The following LARP4 variants were observed in gnomAD, a reference collection of about 807,000 sequenced individuals.
LARP4 encodes the protein La ribonucleoprotein 4, also known as la-related protein 4.
LARP4 carries 29 observed loss-of-function variants against 92.9 expected under a neutral mutation model. That is an observed-to-expected ratio of 0.31 (90% CI 0.23 to 0.43). The LOEUF (loss-of-function observed/expected upper bound fraction) is 0.43. Ranked by LOEUF, LARP4 falls within the 20% of genes least tolerant of loss-of-function variation. The pLI, the probability that LARP4 is intolerant of heterozygous loss-of-function variation, is 1.00. For synonymous variants in LARP4, 279 were observed against 284.1 expected (o/e 0.98, Z 0.18); for missense variants, 732 against 860.0 (o/e 0.85, Z 1.86).
At chr12:50,461,710 A>C (rs1185021254) in intron 11 of LARP4, among the ~76,000 whole-genome samples, 2 of 152,104 alleles carry the variant, frequency 1.3e-5, no homozygotes, top group East Asian at 3.9e-4. Flanking sequence ...TAATCCCAAC[A>C]CTTTGGGAGG....
In LARP4 at chr12:50,437,847, TTAA is replaced by T; in HGVS notation, c.639+14_639+16del. ...AAACAACACCAATAGAGGTAAATTA[TTAA>T]TAATTGTTAACACTAAATGTTCTCT... On this transcript the variant is annotated intron_variant, in intron 6 of 15. Transcript: ENST00000398473. 1 of 1,436,748 alleles carries T rather than the reference TTAA, an allele frequency of 7.0e-7. No individual in the cohort carries two copies. Among genetic ancestry groups the T allele is most frequent in the Non-Finnish European group, 9.8e-7 (1 of 1,025,020 alleles). 89.0% of individuals were successfully genotyped at this position (1,436,748 alleles called of 1,614,324 possible). A position where few individuals can be genotyped will look rare whatever the true frequency, so the allele number is the denominator to read the frequency against.
intron 8 of LARP4, among the ~76,000 whole-genome samples, chr12:50,443,747 G>C (rs994998166): frequency 6.6e-6 from 1 of 152,086 alleles, no homozygotes; most frequent in African/African-American, 2.4e-5. Context: ...GCGTAGCTGG[G>C]GTTACAGGTG....
Position 50,453,650 on chromosome 12 carries a change from C to T in LARP4, c.995C>T (p.Thr332Ile). The T allele has an allele frequency of 1.9e-6, 3 of 1,605,476 alleles. No homozygotes were observed. Among genetic ancestry groups the T allele is most frequent in the Non-Finnish European group, 2.6e-6 (3 of 1,173,514 alleles). ...CCTCAGTCTTGGTCTCCAAATCCTA[C>T]ACCTTACTTTGAAACACCACTGGTA... ...IVPQSWSPNPTPYFETPLAPF... is the reference protein window; with the variant it reads ...IVPQSWSPNPIPYFETPLAPF... Residue 332 changes from threonine (T) to isoleucine (I), a missense_variant, in exon 9 of 16, where the codon ACA becomes ATA. Physicochemically the swap from Thr to Ile is moderately conservative, Grantham distance 89 (BLOSUM62 -1). Coordinates refer to ENST00000398473, the MANE Select transcript of LARP4 (RefSeq NM_052879.5).
intron 8 of LARP4, among the ~76,000 whole-genome samples, chr12:50,447,983 C>T (rs1593209628): frequency 6.6e-6 from 1 of 152,250 alleles, no homozygotes; most frequent in East Asian, 1.9e-4. Context: ...TTCTCTGCCT[C>T]AGCCTCCCGA....
Position 50,427,909 on chromosome 12 carries a change from G to T in LARP4, c.166G>T (p.Gly56Cys). ...IAATSGAHPE[G>C]NAELSEDICK... ...AGCTACATCAGGTGCTCATCCTGAG[G>T]GTAAGTCTTAAATATTTGGTCATAA... is the stretch of plus-strand genomic sequence containing the variant. Residue 56 changes from glycine to cysteine, a missense_variant and splice_region_variant, in exon 2 of 16, where the codon GGT becomes TGT. This residue lies in a region of LARP4 where 236 missense variants were observed against 307.6 expected (regional missense o/e 0.77). Transcript: ENST00000398473. 6 of 1,582,994 alleles carry T rather than the reference G, an allele frequency of 3.8e-6. No individual in the cohort carries two copies. The highest frequency in any genetic ancestry group is 4.3e-6 in the Non-Finnish European group (5 of 1,160,574).
chr12:50,473,145 C>T (rs1175834593), intron 13 of LARP4, among the ~76,000 whole-genome samples: 1 of 152,146 alleles, frequency 6.6e-6, no homozygotes, highest in Non-Finnish European at 1.5e-5. Context: ...GGAACTGCTA[C>T]ATTGCTTTCT....
At chr12:50,417,978 A>G (rs950834359) in intron 1 of LARP4, among the ~76,000 whole-genome samples, 1 of 152,182 alleles carries the variant, frequency 6.6e-6, no homozygotes, top group African/African-American at 2.4e-5. Flanking sequence ...CGCCTGCCTC[A>G]GCCTCCCAAG....
intron 1 of LARP4, 44 bp from the exon 2 acceptor site, chr12:50,427,718 G>A: frequency 7.5e-7 from 1 of 1,331,838 alleles, no homozygotes; most frequent in Non-Finnish European, 1.0e-6. Flanking sequence ...TAATTTTCAT[G>A]CTCTGATTTT....
At chr12:50,442,121 A>C (rs553171285) in intron 8 of LARP4, among the ~76,000 whole-genome samples, 107 of 152,362 alleles carry the variant, frequency 7.0e-4, no homozygotes, top group Admixed American at 1.5e-3. Context: ...AAGCCATAAA[A>C]ATACTTTGTG....
intron 12 of LARP4, among the ~76,000 whole-genome samples, chr12:50,465,822 C>A (rs944245491): frequency 1.3e-5 from 2 of 151,898 alleles, no homozygotes; most frequent in African/African-American, 4.8e-5. Context: ...AGAGATATAC[C>A]GCCATCACCA....
intron 8 of LARP4, among the ~76,000 whole-genome samples, chr12:50,445,363 C>T (rs1951852014): frequency 6.6e-6 from 1 of 151,934 alleles, no homozygotes; most frequent in South Asian, 2.1e-4. Context: ...TTTTCTTTGC[C>T]TGCTGTCAAG....
chr12:50,426,273 G>T (rs1948690413), intron 1 of LARP4, among the ~76,000 whole-genome samples: 1 of 152,218 alleles, frequency 6.6e-6, no homozygotes, highest in Non-Finnish European at 1.5e-5. Context: ...CCAGTGGAAT[G>T]CTTAGTTGTA....
intron 1 of LARP4, chr12:50,421,340 AGCATTTTAATGGAAT>A (rs1947754863): frequency 1.0e-6 from 1 of 959,210 alleles, no homozygotes; most frequent in African/African-American, 1.8e-5. Flanking sequence ...GACTCAAAGC[AGCATTTTAATGGAAT>A]GCTTTAGGCT....
intron 10 of LARP4, among the ~76,000 whole-genome samples, chr12:50,455,659 G>A (rs1242325887): frequency 6.6e-6 from 1 of 152,022 alleles, no homozygotes; most frequent in African/African-American, 2.4e-5. Context: ...AGCCCCAACA[G>A]AATGAAAAAA....
intron 8 of LARP4, among the ~76,000 whole-genome samples, chr12:50,449,297 A>AT (rs1281671390): frequency 1.2e-4 from 18 of 152,004 alleles, no homozygotes; most frequent in Non-Finnish European, 2.1e-4. Flanking sequence ...ATAACTTTGT[A>AT]TTTTTTTCTT....
At chr12:50,471,447 T>A in intron 13 of LARP4, among the ~76,000 whole-genome samples, 1 of 152,242 alleles carries the variant, frequency 6.6e-6, no homozygotes, top group East Asian at 1.9e-4. Flanking sequence ...ATGGACATTT[T>A]GCCATTATAA....
rs1393423688 is a variant in LARP4 at position 50,446,427 on chromosome 12, ATAT to A, written c.804+4786_804+4788del. On this transcript the variant is annotated intron_variant, in intron 8 of 15. Coordinates refer to ENST00000398473, the MANE Select transcript of LARP4 (RefSeq NM_052879.5). ...TCTCTCTCTATATATATATATATAT[ATAT>A]TTTTTTTTTTTTTTATAGACGGAGT... Among the ~76,000 whole-genome samples, 86 of 10,368 alleles carry A rather than the reference ATAT, an allele frequency of 8.3e-3. 26 individuals are homozygous for A. Among genetic ancestry groups the A allele is most frequent in the East Asian group, 0.032 (2 of 62 alleles). The allele number at this position is 10,368 out of a possible 152,430, so 6.8% of individuals were successfully genotyped here.
At chr12:50,405,114 G>A (rs1403665072) in intron 1 of LARP4, among the ~76,000 whole-genome samples, 1 of 151,498 alleles carries the variant, frequency 6.6e-6, no homozygotes. Context: ...GGCCAGGCTG[G>A]TCTCGAACTG....
intron 3 of LARP4, among the ~76,000 whole-genome samples, chr12:50,429,310 A>G (rs73305121): frequency 0.12 from 17,578 of 152,126 alleles, 1,893 homozygotes; most frequent in African/African-American, 0.28. Flanking sequence ...GGAAAGCGTG[A>G]AATTAAAGAT....
Sources: allele counts gnomAD v4.1 joint callset (sites outside exome capture counted in the v4.1 genomes callset), GRCh38; gene constraint gnomAD v4.1.1; regional missense constraint gnomAD v4.1.1; transcripts MANE v1.5; gene names NCBI Gene and HGNC (gene_info 2026-07-23, HGNC 2026-07-21).